DSE: variants seen among roughly 807,000 people sequenced by gnomAD.
DSE encodes the protein dermatan-sulfate epimerase.
DSE carries 36 observed loss-of-function variants against 84.4 expected under a neutral mutation model. The observed-to-expected ratio is 0.43, with a 90% CI of 0.33 to 0.56. DSE has a LOEUF of 0.56. Among genes scored for constraint, DSE ranks in the 20% least tolerant of loss-of-function variants. The probability of loss-of-function intolerance (pLI) is 0.06; values close to 1 mark genes in which losing one functional copy is unlikely to be tolerated. For missense variants in DSE, 862 were observed against 1,169.6 expected (o/e 0.74, Z 3.84); for synonymous variants, 410 against 430.1 (o/e 0.95, Z 0.58).
intron 2 of DSE, among the ~76,000 whole-genome samples, chr6:116,315,260 T>TC (rs931613325): frequency 6.6e-6 from 1 of 152,030 alleles, no homozygotes; most frequent in African/African-American, 2.4e-5. Flanking sequence ...GGGTGAAAAA[T>TC]CAATACACAC....
intron 2 of DSE, among the ~76,000 whole-genome samples, chr6:116,405,931 G>C (rs1254006881): frequency 6.6e-6 from 1 of 152,124 alleles, no homozygotes; most frequent in Non-Finnish European, 1.5e-5. Context: ...TAAATTGTTA[G>C]GACTCAACTA....
intron 2 of DSE, among the ~76,000 whole-genome samples, chr6:116,294,057 T>A (rs995789818): frequency 7.2e-5 from 11 of 152,072 alleles, no homozygotes; most frequent in African/African-American, 2.7e-4. Context: ...AAGGTCTCAC[T>A]CTGTCACCCA....
At chr6:116,371,491 G>C (rs1027150030) in intron 1 of DSE, among the ~76,000 whole-genome samples, 1 of 152,228 alleles carries the variant, frequency 6.6e-6, no homozygotes, top group Non-Finnish European at 1.5e-5. Context: ...ACGGTCCTTG[G>C]GGCCTCGGCT....
At chr6:116,344,457 A>G (rs1374415257) in intron 2 of DSE, among the ~76,000 whole-genome samples, 1 of 152,268 alleles carries the variant, frequency 6.6e-6, no homozygotes, top group Non-Finnish European at 1.5e-5. Flanking sequence ...TCTACAAGCC[A>G]GAAGACAGTG....
rs1280791115 is a variant in DSE at position 116,437,248 on chromosome 6, A to G, written c.2780A>G (p.Gln927Arg). Residue 927 changes from glutamine (Q) to arginine (R), a missense_variant, in exon 6 of 6, where the codon CAG becomes CGG. Gln to Arg is a conservative substitution (Grantham distance 43, BLOSUM62 1). Around this residue, in one of 4 missense-constraint regions of DSE, gnomAD observed 315 missense variants for 348.1 expected, o/e 0.90. Coordinates refer to ENST00000644252, the MANE Select transcript of DSE (RefSeq NM_013352.4). Reference protein sequence around the residue: ...AMQLTYFQRAQSLHGQRCLYA... With the variant: ...AMQLTYFQRARSLHGQRCLYA... ...CAACTGACTTATTTCCAGAGGGCCC[A>G]GAGCCTACATGGCCAAAGATGTCTT... The G allele has an allele frequency of 6.2e-7, 1 of 1,614,124 alleles. No individual in the cohort carries two copies. The highest frequency in any genetic ancestry group is 8.5e-7 in the Non-Finnish European group (1 of 1,180,002).
chr6:116,416,439 T>C (rs1026998322), intron 2 of DSE, among the ~76,000 whole-genome samples: 8 of 151,918 alleles, frequency 5.3e-5, no homozygotes, highest in African/African-American at 1.9e-4. Flanking sequence ...TGATTAAATC[T>C]TTTTCATTGG....
intron 1 of DSE, among the ~76,000 whole-genome samples, chr6:116,384,055 G>A (rs1366426576): frequency 6.6e-6 from 1 of 152,138 alleles, no homozygotes; most frequent in African/African-American, 2.4e-5. Context: ...TTTACAAATA[G>A]TAACACTAAT....
chr6:116,279,004 G>C, intron 2 of DSE: 3 of 1,614,116 alleles, frequency 1.9e-6, no homozygotes, highest in Non-Finnish European at 2.5e-6. Context: ...CCAGAAGCCC[G>C]GGATATTCTG....
intron 2 of DSE, among the ~76,000 whole-genome samples, chr6:116,343,431 C>T (rs1185009142): frequency 6.6e-6 from 1 of 152,176 alleles, no homozygotes; most frequent in Non-Finnish European, 1.5e-5. Context: ...AGCCAGGTCC[C>T]CCTCTGCGAC....
chr6:116,371,155 G>A (rs1779528431), intron 1 of DSE, 34 bp downstream of exon 1: 1 of 985,774 alleles, frequency 1.0e-6, no homozygotes, highest in African/African-American at 1.7e-5. Context: ...ACGAGCTGGG[G>A]CGCGCGGCGC....
At chr6:116,403,645 CTG>C (rs1022874367) in intron 2 of DSE, among the ~76,000 whole-genome samples, 3 of 152,064 alleles carry the variant, frequency 2.0e-5, no homozygotes, top group Non-Finnish European at 4.4e-5. Flanking sequence ...CAGGTGGACA[CTG>C]AGGGGTTTGG....
chr6:116,381,491 T>C (rs1302443904), intron 1 of DSE, among the ~76,000 whole-genome samples: 1 of 152,164 alleles, frequency 6.6e-6, no homozygotes, highest in Non-Finnish European at 1.5e-5. Flanking sequence ...ATTTCCTGGG[T>C]AATTTGATCA....
At chr6:116,256,240 G>A (rs1272435826) in intron 1 of DSE, 7 of 152,118 alleles carry the variant, frequency 4.6e-5, no homozygotes, top group Non-Finnish European at 7.4e-5. Flanking sequence ...GTACAGTTAC[G>A]TTTCACTGAA....
intron 2 of DSE, among the ~76,000 whole-genome samples, chr6:116,299,504 TTATATA>T (rs71553739): frequency 1.7e-3 from 19 of 11,512 alleles, no homozygotes; most frequent in African/African-American, 3.5e-3. Context: ...TGAATTATTT[TTATATA>T]TATATATATA....
intron 2 of DSE, among the ~76,000 whole-genome samples, chr6:116,415,048 C>T (rs533426267): frequency 2.0e-5 from 3 of 152,280 alleles, no homozygotes; most frequent in South Asian, 4.1e-4. Context: ...TCCTTTTTCT[C>T]TTGAATTGGA....
chr6:116,372,146 T>C (rs1340075241), intron 1 of DSE, among the ~76,000 whole-genome samples: 1 of 152,224 alleles, frequency 6.6e-6, no homozygotes, highest in Non-Finnish European at 1.5e-5. Flanking sequence ...TTATAGAATT[T>C]AAACTTTAAG....
chr6:116,278,763 T>C, intron 2 of DSE: 2 of 1,614,134 alleles, frequency 1.2e-6, no homozygotes, highest in South Asian at 1.1e-5. Flanking sequence ...CCCTGCGCCA[T>C]ATAATTGGAG....
chr6:116,335,804 C>T (rs1052689478), intron 2 of DSE, among the ~76,000 whole-genome samples: 6 of 152,182 alleles, frequency 3.9e-5, no homozygotes, highest in African/African-American at 1.4e-4. Flanking sequence ...ACAGAGAAGA[C>T]CTCTTTATTA....
At chr6:116,357,255 G>C (rs1012501175) in intron 2 of DSE, among the ~76,000 whole-genome samples, 2 of 152,100 alleles carry the variant, frequency 1.3e-5, no homozygotes, top group African/African-American at 2.4e-5. Context: ...GTTATCAGCC[G>C]GGCACGGTGG....
Sources: allele counts gnomAD v4.1 joint callset (sites outside exome capture counted in the v4.1 genomes callset), GRCh38; gene constraint gnomAD v4.1.1; regional missense constraint gnomAD v4.1.1; transcripts MANE v1.5; gene names NCBI Gene and HGNC (gene_info 2026-07-23, HGNC 2026-07-21).